Variants in RNFT2 observed in about 807,000 individuals in gnomAD.
RNFT2 encodes ring finger protein, transmembrane 2, also known as E3 ubiquitin-protein ligase RNFT2.
A neutral mutation model predicts 53.0 loss-of-function variants in RNFT2; 36 were observed. The observed-to-expected ratio is 0.68, with a 90% CI of 0.52 to 0.90. The LOEUF (loss-of-function observed/expected upper bound fraction) is 0.90, where lower values mean the gene tolerates loss of function less well. Among genes scored for constraint, RNFT2 ranks in the 40% least tolerant of loss-of-function variants. The probability of loss-of-function intolerance (pLI) is 0.00; values close to 1 mark genes in which losing one functional copy is unlikely to be tolerated. For synonymous variants in RNFT2, 260 were observed against 253.2 expected, an observed-to-expected ratio of 1.03 and a Z score of -0.26; for missense variants, 514 against 585.6, an observed-to-expected ratio of 0.88 and a Z score of 1.26.
chr12:116,779,717 G>A (rs955166146), intron 7 of RNFT2, among the ~76,000 whole-genome samples: 4 of 152,164 alleles, frequency 2.6e-5, no homozygotes, highest in Non-Finnish European at 2.9e-5. Context: ...TTGACTCTTC[G>A]TGGCTTCCAG....
chr12:116,845,793 T>C (rs1877583140), intron 10 of RNFT2, among the ~76,000 whole-genome samples: 1 of 152,014 alleles, frequency 6.6e-6, no homozygotes, highest in Admixed American at 6.6e-5. Context: ...TTCTCTCCTT[T>C]CCCCAATCCC....
At chr12:116,796,473 G>A (rs1188085688) in intron 7 of RNFT2, among the ~76,000 whole-genome samples, 1 of 152,176 alleles carries the variant, frequency 6.6e-6, no homozygotes, top group Non-Finnish European at 1.5e-5. Context: ...GGTTCCAGTA[G>A]GGTGAGATTC....
chr12:116,834,700 T>C (rs1245121758), intron 8 of RNFT2, among the ~76,000 whole-genome samples: 2 of 152,192 alleles, frequency 1.3e-5, no homozygotes, highest in East Asian at 3.9e-4. Flanking sequence ...CATTTAACAT[T>C]GTATTTTTGA....
At chr12:116,814,568 A>C (rs1875547204) in intron 7 of RNFT2, among the ~76,000 whole-genome samples, 1 of 152,150 alleles carries the variant, frequency 6.6e-6, no homozygotes, top group South Asian at 2.1e-4. Flanking sequence ...GTTAAGGAGC[A>C]ATGAGCCTGT....
intron 3 of RNFT2, among the ~76,000 whole-genome samples, chr12:116,744,917 C>T (rs1243103839): frequency 6.6e-6 from 1 of 152,092 alleles, no homozygotes; most frequent in South Asian, 2.1e-4. Context: ...GAGAGAGTGG[C>T]CTCCTCATGG....
intron 7 of RNFT2, among the ~76,000 whole-genome samples, chr12:116,832,167 A>C (rs1201306813): frequency 3.3e-4 from 48 of 143,318 alleles, no homozygotes; most frequent in African/African-American, 1.2e-3. Context: ...ATATATATAT[A>C]TATCTTTCTA....
intron 10 of RNFT2, among the ~76,000 whole-genome samples, chr12:116,837,950 A>G (rs921144901): frequency 2.6e-5 from 4 of 152,212 alleles, no homozygotes; most frequent in African/African-American, 9.7e-5. Context: ...TTTGAAAGAT[A>G]TAAAAAGGAG....
At chr12:116,782,762 A>T (rs572469096) in intron 7 of RNFT2, among the ~76,000 whole-genome samples, 65 of 152,166 alleles carry the variant, frequency 4.3e-4, no homozygotes, top group African/African-American at 1.5e-3. Context: ...ACATGCCGAA[A>T]ATAAGTCTGA....
Position 116,845,221 on chromosome 12 carries a change from A to T in RNFT2, c.1201-4093A>T, listed in dbSNP as rs1877540464. ...ATCGCACCACTGCACTCAAGCCTGGATGACAGAGCAAGACCCGGTTTCAAA... is the reference window on the plus strand; with the variant it reads ...ATCGCACCACTGCACTCAAGCCTGGTTGACAGAGCAAGACCCGGTTTCAAA... On this transcript the variant is annotated intron_variant, in intron 10 of 10. Coordinates refer to ENST00000257575, the MANE Select transcript of RNFT2 (RefSeq NM_001382266.1). Among the ~76,000 whole-genome samples the T allele has an allele frequency of 2.1e-5, 3 of 140,814 alleles. No homozygotes were observed. In the South Asian group the frequency reaches 7.0e-4, roughly 33 times the overall value. The allele number at this position is 140,814 out of a possible 152,430, so 92.4% of individuals were successfully genotyped here. A position where few individuals can be genotyped will look rare whatever the true frequency, so the allele number is the denominator to read the frequency against.
In RNFT2 at chr12:116,836,276, G is replaced by A; in HGVS notation, c.1194G>A (p.Leu398=). The A allele has an allele frequency of 1.3e-6, 2 of 1,571,466 alleles. No individual in the cohort carries two copies. Among genetic ancestry groups the A allele is most frequent in the East Asian group, 2.4e-5 (1 of 42,458 alleles). ...AGTTCCGAGAGCCTCTGATTCTCCTGTGCCAGGTGAGCAGGGCTCAGGCGG... is the reference window on the plus strand; with the variant it reads ...AGTTCCGAGAGCCTCTGATTCTCCTATGCCAGGTGAGCAGGGCTCAGGCGG... The part of the protein sequence containing the change: ...QAEFREPLIL[L]CQHVFCEECL... Residue 398 remains leucine (L), a synonymous_variant, in exon 10 of 11, where the codon CTG becomes CTA. Coordinates refer to ENST00000257575, the MANE Select transcript of RNFT2 (RefSeq NM_001382266.1).
intron 7 of RNFT2, among the ~76,000 whole-genome samples, chr12:116,823,040 G>A (rs528773424): frequency 6.6e-6 from 1 of 152,268 alleles, no homozygotes; most frequent in Admixed American, 6.5e-5. Flanking sequence ...TACAACTAGA[G>A]AACTAGAGAA....
At chr12:116,771,264 A>G (rs1204569403) in intron 6 of RNFT2, among the ~76,000 whole-genome samples, 2 of 151,816 alleles carry the variant, frequency 1.3e-5, no homozygotes, top group Admixed American at 6.6e-5. Flanking sequence ...GTTCGAGACC[A>G]TCCTGGGCAA....
chr12:116,833,515 A>G (rs1056458303), intron 7 of RNFT2, among the ~76,000 whole-genome samples: 2 of 152,146 alleles, frequency 1.3e-5, no homozygotes, highest in African/African-American at 4.8e-5. Flanking sequence ...CCCTCTGCCC[A>G]AAGGTGTAGG....
Position 116,749,980 on chromosome 12 carries a change from A to G in RNFT2, c.223A>G (p.Ser75Gly). 3 of 1,560,892 alleles carry G rather than the reference A, an allele frequency of 1.9e-6. No homozygotes were observed. Among genetic ancestry groups the G allele is most frequent in the Non-Finnish European group, 2.6e-6 (3 of 1,152,362 alleles). The stretch of plus-strand genomic sequence containing the variant: ...CCTCCCCACCAGCTCGTTCCCCTCC[A>G]GCCTGGTGCTGGGCTCCTCGGCTGG... ...GSLPTSSFPS[S>G]LVLGSSAGGG... Residue 75 changes from serine to glycine, a missense_variant, in exon 4 of 11, where the codon AGC (serine) becomes GGC (glycine). Coordinates refer to ENST00000257575, the MANE Select transcript of RNFT2 (RefSeq NM_001382266.1).
In RNFT2 at chr12:116,749,683, C is replaced by T. The variant is rs560772150; in HGVS notation, c.84-158C>T. Among the ~76,000 whole-genome samples, 13 of 152,224 alleles carry T rather than the reference C, an allele frequency of 8.5e-5. No individual in the cohort carries two copies. The South Asian group carries it at 2.7e-3, about 32-fold the overall frequency. ...TATAGACCCTATCTTTAAACAGGGT[C>T]ACATTCTGAGGTCCTGGGAGGAAGG... On this transcript the variant is annotated intron_variant, in intron 3 of 10. Transcript: ENST00000257575.
intron 5 of RNFT2, among the ~76,000 whole-genome samples, chr12:116,758,595 C>T (rs1035990153): frequency 8.5e-5 from 13 of 152,170 alleles, no homozygotes; most frequent in Non-Finnish European, 1.5e-5. Flanking sequence ...TCTGAAAATA[C>T]TGTATCTTTC....
chr12:116,806,535 A>G (rs1305836972), intron 7 of RNFT2, among the ~76,000 whole-genome samples: 1 of 151,984 alleles, frequency 6.6e-6, no homozygotes. Context: ...GGCTGAGGCC[A>G]GGAGTTCGAG....
At chr12:116,796,212 C>T (rs957798265) in intron 7 of RNFT2, among the ~76,000 whole-genome samples, 1 of 151,968 alleles carries the variant, frequency 6.6e-6, no homozygotes, top group Non-Finnish European at 1.5e-5. Context: ...CCCAGCCTCT[C>T]CAGTGGTCAT....
At chr12:116,771,257 C>G (rs991681843) in intron 6 of RNFT2, among the ~76,000 whole-genome samples, 1 of 151,654 alleles carries the variant, frequency 6.6e-6, no homozygotes, top group East Asian at 2.0e-4. Context: ...CCCAGGAGTT[C>G]GAGACCATCC....
Sources: gnomAD v4.1 joint callset for allele counts (sites outside exome capture counted in the v4.1 genomes callset) on GRCh38, gnomAD v4.1.1 for gene constraint, MANE v1.5 for transcripts, NCBI Gene and HGNC (gene_info 2026-07-23, HGNC 2026-07-21) for gene names.